MGAT4C: variants seen among roughly 807,000 people sequenced by gnomAD.
MGAT4C encodes MGAT4 family member C.
A neutral mutation model predicts 40.1 loss-of-function variants in MGAT4C; 19 were observed. That is an observed-to-expected ratio of 0.47 (90% CI 0.33 to 0.70). The LOEUF (loss-of-function observed/expected upper bound fraction) is 0.70, where lower values mean the gene tolerates loss of function less well. Among genes scored for constraint, MGAT4C ranks in the 30% least tolerant of loss-of-function variants. MGAT4C has a pLI of 0.02. For synonymous variants in MGAT4C, 181 were observed against 187.1 expected, an observed-to-expected ratio of 0.97 and a Z score of 0.27; for missense variants, 491 against 563.2, an observed-to-expected ratio of 0.87 and a Z score of 1.30.
chr12:86,391,895 C>T (rs1035149425), intron 3 of MGAT4C, among the ~76,000 whole-genome samples: 2 of 151,930 alleles, frequency 1.3e-5, no homozygotes, highest in Non-Finnish European at 2.9e-5. Flanking sequence ...TATAAGTCGG[C>T]TGGCTGGGAA....
At chr12:85,980,664 A>G (rs2136685179) in intron 4 of MGAT4C, among the ~76,000 whole-genome samples, 1 of 152,248 alleles carries the variant, frequency 6.6e-6, no homozygotes, top group South Asian at 2.1e-4. Flanking sequence ...CTTAATCACA[A>G]TAATGTATGA....
chr12:86,667,785 T>C (rs968866630), intron 2 of MGAT4C, among the ~76,000 whole-genome samples: 4 of 152,206 alleles, frequency 2.6e-5, no homozygotes, highest in Non-Finnish European at 4.4e-5. Context: ...AAGTCTTTCT[T>C]AGTTTGCAGG....
intron 4 of MGAT4C, among the ~76,000 whole-genome samples, chr12:86,265,729 C>T (rs931086430): frequency 7.2e-5 from 11 of 151,976 alleles, no homozygotes; most frequent in Non-Finnish European, 1.3e-4. Flanking sequence ...TCAATGAATC[C>T]GCAGATTCAA....
At chr12:86,795,041 A>G (rs1363594514) in intron 1 of MGAT4C, among the ~76,000 whole-genome samples, 1 of 152,012 alleles carries the variant, frequency 6.6e-6, no homozygotes, top group Non-Finnish European at 1.5e-5. Context: ...ATAATGTTCA[A>G]TTTTAAAACT....
chr12:86,804,545 A>G (rs1041396273), intron 1 of MGAT4C, among the ~76,000 whole-genome samples: 2 of 151,922 alleles, frequency 1.3e-5, no homozygotes, highest in Admixed American at 6.6e-5. Flanking sequence ...CTATATTGTA[A>G]TTGAAATAAG....
intron 1 of MGAT4C, among the ~76,000 whole-genome samples, chr12:86,745,494 C>A (rs776920593): frequency 6.6e-6 from 1 of 151,588 alleles, no homozygotes; most frequent in Non-Finnish European, 1.5e-5. Context: ...TACAATATAG[C>A]ATGCATGGGT....
chr12:86,717,513 T>C (rs1950663802), intron 2 of MGAT4C, among the ~76,000 whole-genome samples: 1 of 152,168 alleles, frequency 6.6e-6, no homozygotes, highest in African/African-American at 2.4e-5. Context: ...CAGAAATACA[T>C]AGCATATTTT....
intron 2 of MGAT4C, among the ~76,000 whole-genome samples, chr12:86,042,161 G>A (rs1175588961): frequency 6.6e-6 from 1 of 152,030 alleles, no homozygotes; most frequent in Non-Finnish European, 1.5e-5. Context: ...CATTTCCTTG[G>A]CAGATTTTTC....
intron 4 of MGAT4C, among the ~76,000 whole-genome samples, chr12:86,264,838 C>A (rs1425948086): frequency 6.6e-6 from 1 of 152,076 alleles, no homozygotes; most frequent in Non-Finnish European, 1.5e-5. Context: ...AGCCCAGGTG[C>A]TGTCACAAAC....
chr12:86,107,102 T>A (rs768127996), intron 1 of MGAT4C, among the ~76,000 whole-genome samples: 23 of 152,302 alleles, frequency 1.5e-4, no homozygotes, highest in African/African-American at 3.1e-4. Context: ...AAAGCTTTTA[T>A]ACTTACAGAT....
intron 1 of MGAT4C, among the ~76,000 whole-genome samples, chr12:86,080,277 G>C (rs1047942175): frequency 1.3e-5 from 2 of 152,004 alleles, no homozygotes; most frequent in Non-Finnish European, 2.9e-5. Context: ...TCCTGTGTCT[G>C]GGCAAGCAGT....
intron 2 of MGAT4C, among the ~76,000 whole-genome samples, chr12:86,603,530 TATAGTC>T (rs1961892040): frequency 4.5e-5 from 1 of 21,992 alleles, no homozygotes; most frequent in Admixed American, 9.4e-4. Context: ...ATAGACTATA[TATAGTC>T]TATAGACTAT....
intron 4 of MGAT4C, among the ~76,000 whole-genome samples, chr12:86,280,497 C>T (rs771110738): frequency 6.6e-6 from 1 of 151,922 alleles, no homozygotes; most frequent in Non-Finnish European, 1.5e-5. Flanking sequence ...GATCCATGGC[C>T]TACCATTTCG....
At chr12:86,631,414 C>T (rs948493307) in intron 2 of MGAT4C, among the ~76,000 whole-genome samples, 5 of 151,980 alleles carry the variant, frequency 3.3e-5, no homozygotes, top group African/African-American at 1.2e-4. Context: ...CTTTGAAGTT[C>T]ATATGGAACC....
chr12:86,774,354 C>CCT (rs1951710870), intron 1 of MGAT4C, among the ~76,000 whole-genome samples: 1 of 79,018 alleles, frequency 1.3e-5, no homozygotes, highest in African/African-American at 6.6e-5. Context: ...TCTCTCTCTC[C>CCT]CCTCTCTCTC....
At chr12:86,719,426 T>C (rs1476766382) in intron 2 of MGAT4C, among the ~76,000 whole-genome samples, 2 of 152,168 alleles carry the variant, frequency 1.3e-5, no homozygotes, top group Non-Finnish European at 2.9e-5. Flanking sequence ...TAACATACAA[T>C]GATGGCTCAC....
intron 1 of MGAT4C, among the ~76,000 whole-genome samples, chr12:86,109,303 T>C (rs1420470667): frequency 2.6e-5 from 4 of 152,116 alleles, no homozygotes; most frequent in Admixed American, 2.0e-4. Flanking sequence ...GAAACTGATA[T>C]ATAGCGTGGT....
chr12:86,581,279 G>A (rs139372045), intron 2 of MGAT4C, among the ~76,000 whole-genome samples: 77 of 151,538 alleles, frequency 5.1e-4, no homozygotes, highest in African/African-American at 1.7e-3. Context: ...TTTGATAGTG[G>A]TGTCTTCCTT....
chr12:86,581,560 T>G (rs1323709695), intron 2 of MGAT4C, among the ~76,000 whole-genome samples: 1 of 151,496 alleles, frequency 6.6e-6, no homozygotes, highest in East Asian at 1.9e-4. Flanking sequence ...GATCTTTTCA[T>G]AAGTGAGTGA....
Sources: gnomAD v4.1 joint callset for allele counts (sites outside exome capture counted in the v4.1 genomes callset) on GRCh38, gnomAD v4.1.1 for gene constraint, MANE v1.5 for transcripts, NCBI Gene and HGNC (gene_info 2026-07-23, HGNC 2026-07-21) for gene names.